ZNF324B: variants seen among roughly 807,000 people sequenced by gnomAD.
ZNF324B encodes zinc finger protein 324B.
ZNF324B carries 7 observed loss-of-function variants against 10.6 expected under a neutral mutation model. That is an observed-to-expected ratio of 0.66 (90% confidence interval 0.38 to 1.24). The LOEUF (loss-of-function observed/expected upper bound fraction) is 1.24. Ranked by LOEUF, ZNF324B falls within the 50% of genes most tolerant of loss-of-function variation. The pLI is 0.02. For missense variants in ZNF324B, 640 were observed against 764.7 expected (o/e 0.84, Z 1.92); for synonymous variants, 316 against 321.0 (o/e 0.98, Z 0.17).
At chr19:58,422,747 A>T in the ZNF324B span, among the ~76,000 whole-genome samples, 1 of 152,144 alleles carries the variant, frequency 6.6e-6, no homozygotes, top group Non-Finnish European at 1.5e-5. Context: ...AATTGAAGAG[A>T]CCTTTGGATT....
chr19:58,444,384 C>T, the ZNF324B span: 1 of 152,192 alleles, frequency 6.6e-6, no homozygotes, highest in Non-Finnish European at 1.5e-5. Flanking sequence ...ACTACAGTCC[C>T]AACTACTTGG....
the ZNF324B span, chr19:58,434,818 TGGA>T: frequency 6.2e-7 from 1 of 1,614,196 alleles, no homozygotes; most frequent in South Asian, 1.1e-5. Flanking sequence ...AGCTTGAAGC[TGGA>T]GGAGGTCACA....
Position 58,456,835 on chromosome 19 carries a change from G to C in ZNF324B, c.*256G>C, listed in dbSNP as rs2052927825. ...GGAGGACATGTCAGCTGGAACTCTG[G>C]TGGGGCTGAGGCTGTAGTTGGGGCC... On this transcript the variant is annotated 3_prime_UTR_variant, in exon 4 of 4. Coordinates refer to ENST00000336614, the MANE Select transcript of ZNF324B (RefSeq NM_207395.3). The surrounding 1 kb of genome is among the most constrained non-coding windows in gnomAD (Gnocchi z 4.7). The C allele has an allele frequency of 1.7e-6, 1 of 575,494 alleles. No homozygotes were observed. The highest frequency in any genetic ancestry group is 3.1e-6 in the Non-Finnish European group (1 of 324,564). The allele number at this position is 575,494 out of a possible 1,614,324, so 35.6% of individuals were successfully genotyped here. A position where few individuals can be genotyped will look rare whatever the true frequency, so the allele number is the denominator to read the frequency against.
chr19:58,449,533 G>T (rs1011191952), upstream of ZNF324B, among the ~76,000 whole-genome samples: 2 of 152,202 alleles, frequency 1.3e-5, no homozygotes, highest in Non-Finnish European at 2.9e-5. Flanking sequence ...TGGGAGGGAG[G>T]CTGTACCCTG....
intron 1 of ZNF324B, chr19:58,453,265 A>G (rs1457497610): frequency 1.3e-5 from 3 of 232,706 alleles, no homozygotes; most frequent in Non-Finnish European, 2.6e-5. Context: ...TGGAAATGTC[A>G]GGCAAGCGCA....
At chr19:58,419,791 T>C in the ZNF324B span, among the ~76,000 whole-genome samples, 3 of 152,106 alleles carry the variant, frequency 2.0e-5, no homozygotes, top group African/African-American at 7.2e-5. Context: ...ACACGTAGGG[T>C]AACCAAAGTA....
the ZNF324B span, among the ~76,000 whole-genome samples, chr19:58,424,590 A>G: frequency 2.0e-4 from 30 of 152,384 alleles, no homozygotes; most frequent in African/African-American, 7.2e-4. Context: ...ATACAAATAT[A>G]TGGCAAGAAT....
upstream of ZNF324B, among the ~76,000 whole-genome samples, chr19:58,448,693 C>G (rs931370702): frequency 6.6e-5 from 10 of 152,018 alleles, no homozygotes; most frequent in African/African-American, 2.4e-4. Context: ...CAACACTGCC[C>G]TGCAGCCTGG....
the ZNF324B span, chr19:58,434,616 T>C: frequency 6.2e-7 from 1 of 1,614,240 alleles, no homozygotes; most frequent in Non-Finnish European, 8.5e-7. Context: ...CAAGGATTGA[T>C]TTCTCCTCTA....
the ZNF324B span, chr19:58,442,207 G>A: frequency 1.5e-5 from 2 of 131,976 alleles, no homozygotes; most frequent in East Asian, 4.3e-4. Flanking sequence ...TGTCGCCCAG[G>A]CCGGACTGCG....
chr19:58,433,093 C>T, the ZNF324B span: 4 of 507,624 alleles, frequency 7.9e-6, no homozygotes, highest in Non-Finnish European at 1.4e-5. Context: ...AGGACTGCTG[C>T]AAATTTTTGG....
chr19:58,426,961 C>T, the ZNF324B span, among the ~76,000 whole-genome samples: 1 of 152,206 alleles, frequency 6.6e-6, no homozygotes, highest in Admixed American at 6.5e-5. Flanking sequence ...TCACAGCCAT[C>T]AGGACTTTGC....
At chr19:58,434,372 T>C in the ZNF324B span, 2 of 1,614,242 alleles carry the variant, frequency 1.2e-6, no homozygotes, top group African/African-American at 1.3e-5. Context: ...TGTGATCTGT[T>C]ACTGAAGGCT....
At chr19:58,426,910 A>G in the ZNF324B span, among the ~76,000 whole-genome samples, 1 of 152,208 alleles carries the variant, frequency 6.6e-6, no homozygotes, top group Non-Finnish European at 1.5e-5. Context: ...CAGTGGAGCC[A>G]CTGAATCCCA....
upstream of ZNF324B, among the ~76,000 whole-genome samples, chr19:58,446,990 T>A (rs1447617827): frequency 6.6e-6 from 1 of 151,678 alleles, no homozygotes; most frequent in Non-Finnish European, 1.5e-5. Context: ...TCTTTCTTTT[T>A]TTTGAGGCAG....
chr19:58,425,935 G>A, the ZNF324B span, among the ~76,000 whole-genome samples: 1 of 152,178 alleles, frequency 6.6e-6, no homozygotes, highest in South Asian at 2.1e-4. Context: ...ACCCTCCCAT[G>A]TTGAAATCTC....
chr19:58,444,139 T>G, the ZNF324B span: 1 of 152,202 alleles, frequency 6.6e-6, no homozygotes, highest in African/African-American at 2.4e-5. Flanking sequence ...GGCACCAGGA[T>G]GTATAGCTGT....
At chr19:58,427,411 C>CTTTCTTTCTTTCTTTCTTTCT in the ZNF324B span, among the ~76,000 whole-genome samples, 3 of 33,276 alleles carry the variant, frequency 9.0e-5, no homozygotes, top group African/African-American at 4.8e-4. Context: ...TCTTTCCTTC[C>CTTTCTTTCTTTCTTTCTTTCT]TTCCTTCCTT....
the ZNF324B span, among the ~76,000 whole-genome samples, chr19:58,431,883 T>A: frequency 6.6e-6 from 1 of 152,188 alleles, no homozygotes; most frequent in Admixed American, 6.5e-5. Context: ...TTCCAGCTAC[T>A]CGGGAGGCTG....
Sources: allele counts gnomAD v4.1 joint callset (sites outside exome capture counted in the v4.1 genomes callset), GRCh38; gene constraint gnomAD v4.1.1; non-coding constraint Gnocchi (gnomAD v3.1); transcripts MANE v1.5; gene names NCBI Gene and HGNC (gene_info 2026-07-23, HGNC 2026-07-21).